DST: variants seen among roughly 807,000 people sequenced by gnomAD.
DST encodes dystonin.
A neutral mutation model predicts 875.2 loss-of-function variants in DST; 253 were observed. That is an observed-to-expected ratio of 0.29 (90% confidence interval 0.26 to 0.32). DST has a LOEUF of 0.32. Among genes scored for constraint, DST ranks in the 10% least tolerant of loss-of-function variants. DST has a pLI of 1.00. For missense variants in DST, 8,287 were observed against 9,111.6 expected, an observed-to-expected ratio of 0.91 and a Z score of 3.68; for synonymous variants, 3,124 against 3,197.1, an observed-to-expected ratio of 0.98 and a Z score of 0.77.
intron 22 of DST, among the ~76,000 whole-genome samples, chr6:56,638,601 GA>G (rs2152774576): frequency 6.6e-6 from 1 of 152,110 alleles, no homozygotes; most frequent in African/African-American, 2.4e-5. Context: ...TCTCCATTCA[GA>G]AAGTCACTAA....
chr6:56,827,915 T>C (rs1176468694), intron 4 of DST, among the ~76,000 whole-genome samples: 1 of 152,164 alleles, frequency 6.6e-6, no homozygotes, highest in Non-Finnish European at 1.5e-5. Flanking sequence ...TTTTTCACTG[T>C]ACTTTTCCTT....
intron 9 of DST, among the ~76,000 whole-genome samples, chr6:56,684,493 G>A (rs1371854449): frequency 6.6e-6 from 1 of 152,166 alleles, no homozygotes; most frequent in Non-Finnish European, 1.5e-5. Flanking sequence ...GAGATATTTG[G>A]CGGATGCCCT....
chr6:56,906,091 A>G (rs1796290742), intron 2 of DST, among the ~76,000 whole-genome samples: 1 of 152,210 alleles, frequency 6.6e-6, no homozygotes, highest in South Asian at 2.1e-4. Flanking sequence ...TTGTACATAT[A>G]GCCAGAAGTG....
At chr6:56,725,357 A>C (rs977340961) in intron 5 of DST, among the ~76,000 whole-genome samples, 1 of 152,154 alleles carries the variant, frequency 6.6e-6, no homozygotes, top group Non-Finnish European at 1.5e-5. Context: ...TTGACATTCC[A>C]CTGGAGATTT....
chr6:56,464,436 C>T (rs2094483135), intron 100 of DST: 1 of 521,584 alleles, frequency 1.9e-6, no homozygotes. Context: ...ACACGGAGAA[C>T]ACTCCACAAG....
At chr6:56,534,634 A>C (rs1674990705) in intron 63 of DST, among the ~76,000 whole-genome samples, 1 of 152,226 alleles carries the variant, frequency 6.6e-6, no homozygotes, top group Non-Finnish European at 1.5e-5. Flanking sequence ...CCTAATATAT[A>C]AGGGAACAAT....
At chr6:56,715,823 G>A (rs2099392684) in intron 5 of DST, among the ~76,000 whole-genome samples, 1 of 152,068 alleles carries the variant, frequency 6.6e-6, no homozygotes, top group Non-Finnish European at 1.5e-5. Flanking sequence ...TTGTACCCAG[G>A]CCATTGTTCT....
chr6:56,470,105 C>T (rs746687643), intron 96 of DST, 23 bp downstream of exon 96: 38 of 1,609,896 alleles, frequency 2.4e-5, no homozygotes, highest in Admixed American at 1.7e-4. Context: ...CAGTGTTGTA[C>T]GCAATGGGAA....
intron 5 of DST, among the ~76,000 whole-genome samples, chr6:56,705,828 G>A (rs556672000): frequency 6.6e-6 from 1 of 152,214 alleles, no homozygotes; most frequent in African/African-American, 2.4e-5. Context: ...CAAAACTGAA[G>A]GTGAATCAAA....
At chr6:56,697,519 A>T (rs1013443482) in intron 9 of DST, among the ~76,000 whole-genome samples, 6 of 152,232 alleles carry the variant, frequency 3.9e-5, no homozygotes, top group African/African-American at 1.4e-4. Context: ...ATGGACAGAA[A>T]ATGGAAAGTG....
chr6:56,685,161 C>T (rs747852124), intron 9 of DST, among the ~76,000 whole-genome samples: 11 of 152,104 alleles, frequency 7.2e-5, no homozygotes, highest in Non-Finnish European at 1.5e-4. Flanking sequence ...AACTAAAGAG[C>T]TTCTGCACAG....
chr6:56,597,355 C>G (rs1021836338), intron 47 of DST, among the ~76,000 whole-genome samples: 4 of 152,016 alleles, frequency 2.6e-5, no homozygotes, highest in African/African-American at 9.7e-5. Flanking sequence ...CTTGAGAAAG[C>G]TACTTTAATA....
chr6:56,934,609 G>A (rs1361268859), intron 2 of DST, among the ~76,000 whole-genome samples: 1 of 131,338 alleles, frequency 7.6e-6, no homozygotes, highest in Non-Finnish European at 1.7e-5. Context: ...GAGAGAAGGA[G>A]GGGAGAGAGA....
At chr6:56,678,434 G>T (rs751043945) in intron 9 of DST, among the ~76,000 whole-genome samples, 15 of 152,026 alleles carry the variant, frequency 9.9e-5, no homozygotes, top group Non-Finnish European at 1.8e-4. Context: ...ATCTATGAAC[G>T]GTAGAGGAAG....
At chr6:56,742,301 C>T (rs1334420716) in intron 4 of DST, 21 of 1,289,610 alleles carry the variant, frequency 1.6e-5, no homozygotes, top group Admixed American at 1.4e-4. Flanking sequence ...ACCAGCTTTG[C>T]GTTCCAATCT....
At chr6:56,800,956 G>A (rs1042030587) in intron 4 of DST, among the ~76,000 whole-genome samples, 2 of 147,156 alleles carry the variant, frequency 1.4e-5, no homozygotes, top group African/African-American at 5.0e-5. Context: ...GGAACTCAAG[G>A]CTACAGTAAG....
chr6:56,829,839 T>C (rs1185389568), intron 4 of DST, among the ~76,000 whole-genome samples: 1 of 152,124 alleles, frequency 6.6e-6, no homozygotes, highest in African/African-American at 2.4e-5. Context: ...TATAACAGGA[T>C]GATAAAGAAC....
intron 2 of DST, among the ~76,000 whole-genome samples, chr6:56,930,206 G>A (rs972529847): frequency 2.6e-5 from 4 of 152,212 alleles, no homozygotes; most frequent in Admixed American, 6.5e-5. Flanking sequence ...GGCCTATGCC[G>A]TATCTTGGTT....
chr6:56,898,428 T>C (rs1792481057), intron 3 of DST, among the ~76,000 whole-genome samples: 1 of 152,238 alleles, frequency 6.6e-6, no homozygotes, highest in African/African-American at 2.4e-5. Context: ...AGAATAATGA[T>C]GGTTGAGAGT....
Sources: allele counts gnomAD v4.1 joint callset (sites outside exome capture counted in the v4.1 genomes callset), GRCh38; gene constraint gnomAD v4.1.1; transcripts MANE v1.5; gene names NCBI Gene and HGNC (gene_info 2026-07-23, HGNC 2026-07-21).